The following USH2A variants were observed in gnomAD, a reference collection of about 807,000 sequenced individuals.
USH2A encodes the protein usherin.
A neutral mutation model predicts 538.9 loss-of-function variants in USH2A; 443 were observed. That is an observed-to-expected ratio of 0.82 (90% CI 0.76 to 0.89). The LOEUF is 0.89. Ranked by LOEUF, USH2A falls within the 40% of genes least tolerant of loss-of-function variation. The pLI, the probability that USH2A is intolerant of heterozygous loss-of-function variation, is 0.00. For missense variants in USH2A, 6,633 were observed against 6,324.8 expected, an observed-to-expected ratio of 1.05 and a Z score of -1.65; for synonymous variants, 2,413 against 2,273.5, an observed-to-expected ratio of 1.06 and a Z score of -1.75.
chr1:215,743,374 A>G, intron 58 of USH2A, 39 bp from the exon 59 acceptor site: 1 of 424,332 alleles, frequency 2.4e-6, no homozygotes, highest in East Asian at 5.7e-5. Context: ...TTAAAAACAT[A>G]TATATATATA....
At chr1:216,394,762 A>T (rs1177005705) in intron 3 of USH2A, among the ~76,000 whole-genome samples, 1 of 121,726 alleles carries the variant, frequency 8.2e-6, no homozygotes, top group African/African-American at 3.1e-5. Context: ...TCTGTCGCCC[A>T]GGCTGGAGTG....
intron 55 of USH2A, among the ~76,000 whole-genome samples, chr1:215,773,492 G>GTCTCTCTCTCTCTC (rs930672000): frequency 5.9e-5 from 5 of 84,436 alleles, no homozygotes; most frequent in African/African-American, 2.6e-4. Flanking sequence ...CTGTCTCTCT[G>GTCTCTCTCTCTCTC]TCTCTCTCTC....
intron 20 of USH2A, among the ~76,000 whole-genome samples, chr1:216,182,367 T>C (rs1311154325): frequency 2.0e-5 from 3 of 152,076 alleles, no homozygotes; most frequent in Non-Finnish European, 2.9e-5. Context: ...TATGAAGCTA[T>C]AATTGTGTAT....
At chr1:216,159,773 C>T (rs546194365) in intron 21 of USH2A, among the ~76,000 whole-genome samples, 8 of 152,162 alleles carry the variant, frequency 5.3e-5, no homozygotes, top group African/African-American at 1.4e-4. Flanking sequence ...ATCCACCAAT[C>T]GGGCCACCTT....
chr1:215,631,227 A>AGTGTGTGT (rs145355299), intron 70 of USH2A, among the ~76,000 whole-genome samples: 2 of 148,460 alleles, frequency 1.3e-5, no homozygotes, highest in African/African-American at 4.9e-5. Context: ...GAGGGGGAGA[A>AGTGTGTGT]GTGTGTGTGT....
intron 43 of USH2A, among the ~76,000 whole-genome samples, chr1:215,873,074 A>G (rs977843753): frequency 6.6e-6 from 1 of 152,132 alleles, no homozygotes; most frequent in Non-Finnish European, 1.5e-5. Flanking sequence ...CAAGGAGGTA[A>G]CACATAATAT....
At chr1:216,080,093 T>A (rs1334616799) in intron 26 of USH2A, 2 of 152,014 alleles carry the variant, frequency 1.3e-5, no homozygotes, top group Non-Finnish European at 2.9e-5. Context: ...AACATCCAGA[T>A]GAAACTCTTT....
chr1:216,211,097 A>C (rs986447731), intron 15 of USH2A, among the ~76,000 whole-genome samples: 2 of 152,080 alleles, frequency 1.3e-5, no homozygotes, highest in Admixed American at 1.3e-4. Flanking sequence ...GAGGACATGG[A>C]AGCTCAGCTC....
In USH2A at chr1:216,070,189, G is replaced by GTACTTCTCAAT; in HGVS notation, c.5950_5960dup (p.Tyr1987Ter). The GTACTTCTCAAT allele has an allele frequency of 1.2e-6, 2 of 1,613,986 alleles. No individual in the cohort carries two copies. Among genetic ancestry groups the GTACTTCTCAAT allele is most frequent in the Non-Finnish European group, 1.7e-6 (2 of 1,179,928 alleles). On this transcript the variant is annotated stop_gained and frameshift_variant, in exon 30 of 72. Coordinates refer to ENST00000307340, the MANE Select transcript of USH2A (RefSeq NM_206933.4). LOFTEE classifies it high-confidence loss of function. ...TGTCCTCACTATAGGCTTTCAGAAT[G>GTACTTCTCAAT]TACTTCTCAATTACACCTCTGACAA...
intron 4 of USH2A, among the ~76,000 whole-genome samples, chr1:216,345,025 T>C (rs1009392658): frequency 3.3e-5 from 5 of 151,908 alleles, no homozygotes; most frequent in East Asian, 3.9e-4. Flanking sequence ...TGAGAGCTAA[T>C]GGGACTACTG....
At position 216,335,343 on chromosome 1, in the gene USH2A, A is replaced by G. The variant is rs138434150; in HGVS notation, c.785-7689T>C. On this transcript the variant is annotated intron_variant, in intron 4 of 71. Transcript: ENST00000307340. ...AACACTTATATTTAAAGAGAAATTT[A>G]TTAAATCAATAACCTAATCTTCTAC... 4.7e-3 allele frequency among the ~76,000 whole-genome samples: 714 copies of G among 151,686 alleles called. 7 individuals are homozygous for G. The highest frequency in any genetic ancestry group is 0.016 in the African/African-American group (680 of 41,536).
At chr1:216,120,270 C>A (rs2102593619) in intron 21 of USH2A, among the ~76,000 whole-genome samples, 1 of 144,840 alleles carries the variant, frequency 6.9e-6, no homozygotes, top group African/African-American at 2.5e-5. Context: ...CACTGTGGCT[C>A]ACGCCTGTAA....
intron 64 of USH2A, among the ~76,000 whole-genome samples, chr1:215,651,797 A>G (rs1009308301): frequency 2.6e-5 from 4 of 152,242 alleles, no homozygotes; most frequent in African/African-American, 9.6e-5. Context: ...CATCAATAAT[A>G]TCTTCAAGAG....
chr1:216,037,295 G>A (rs2030031824), intron 32 of USH2A, among the ~76,000 whole-genome samples: 1 of 152,088 alleles, frequency 6.6e-6, no homozygotes, highest in African/African-American at 2.4e-5. Flanking sequence ...GCTGTCCTGG[G>A]CATTTTAATG....
intron 38 of USH2A, among the ~76,000 whole-genome samples, chr1:215,927,440 A>G (rs1200358057): frequency 6.6e-6 from 1 of 152,078 alleles, no homozygotes; most frequent in Non-Finnish European, 1.5e-5. Flanking sequence ...GCCCTATATA[A>G]CAAGATTGTT....
At chr1:216,341,021 AG>A (rs1196049588) in intron 4 of USH2A, among the ~76,000 whole-genome samples, 1 of 152,146 alleles carries the variant, frequency 6.6e-6, no homozygotes, top group African/African-American at 2.4e-5. Context: ...AAAGAAATAA[AG>A]GGTATTCAAA....
chr1:216,057,089 G>A (rs929977346), intron 30 of USH2A, among the ~76,000 whole-genome samples: 1 of 152,020 alleles, frequency 6.6e-6, no homozygotes, highest in Non-Finnish European at 1.5e-5. Context: ...AAAAAGAAAT[G>A]CAAATCCTTT....
intron 35 of USH2A, among the ~76,000 whole-genome samples, chr1:215,979,708 T>TA (rs1013504171): frequency 2.1e-3 from 318 of 149,426 alleles, no homozygotes; most frequent in African/African-American, 6.2e-3. Flanking sequence ...TCTTTTTAAT[T>TA]AAAAAAAAAA....
At chr1:216,415,779 A>G (rs1420192566) in intron 3 of USH2A, among the ~76,000 whole-genome samples, 2 of 151,450 alleles carry the variant, frequency 1.3e-5, no homozygotes, top group African/African-American at 4.9e-5. Context: ...GTTCACTTCT[A>G]CCTCCCAAAA....
Sources: allele counts gnomAD v4.1 joint callset (sites outside exome capture counted in the v4.1 genomes callset), GRCh38; gene constraint gnomAD v4.1.1; transcripts MANE v1.5; gene names NCBI Gene and HGNC (gene_info 2026-07-23, HGNC 2026-07-21).